TEAD1: variants seen among roughly 807,000 people sequenced by gnomAD.
TEAD1 encodes the protein TEA domain transcription factor 1, also known as transcriptional enhancer factor TEF-1.
Under a neutral mutation model 54.9 loss-of-function variants are expected in TEAD1, and 9 were observed. That is an observed-to-expected ratio of 0.16 (90% confidence interval 0.10 to 0.29). The LOEUF (loss-of-function observed/expected upper bound fraction) is 0.29, where lower values mean the gene tolerates loss of function less well. Among genes scored for constraint, TEAD1 ranks in the 10% least tolerant of loss-of-function variants. The pLI is 1.00. For missense variants in TEAD1, 387 were observed against 535.9 expected (o/e 0.72, Z 2.74); for synonymous variants, 200 against 187.8 (o/e 1.07, Z -0.53).
At chr11:12,882,058 A>G in intron 8 of TEAD1, 101 bp downstream of exon 8, 1 of 1,300,616 alleles carries the variant, frequency 7.7e-7, no homozygotes, top group Non-Finnish European at 1.1e-6. Flanking sequence ...CAACTTTGCC[A>G]CAGCCGCACA....
chr11:12,844,615 G>C (rs1408355687), intron 3 of TEAD1, among the ~76,000 whole-genome samples: 3 of 152,138 alleles, frequency 2.0e-5, no homozygotes, highest in African/African-American at 7.2e-5. Context: ...TGGCAGTGGA[G>C]CATTTGCTGA....
chr11:12,899,872 C>T (rs1281751409), intron 9 of TEAD1, among the ~76,000 whole-genome samples: 1 of 152,198 alleles, frequency 6.6e-6, no homozygotes, highest in African/African-American at 2.4e-5. Context: ...AGTTGCACTG[C>T]CCCTTATATG....
At chr11:12,843,947 G>C (rs950783693) in intron 3 of TEAD1, among the ~76,000 whole-genome samples, 1 of 152,092 alleles carries the variant, frequency 6.6e-6, no homozygotes, top group South Asian at 2.1e-4. Flanking sequence ...GATCATTTCC[G>C]TTTTCTTTTA....
At chr11:12,703,118 G>A (rs903397306) in intron 2 of TEAD1, among the ~76,000 whole-genome samples, 5 of 152,112 alleles carry the variant, frequency 3.3e-5, no homozygotes, top group Non-Finnish European at 7.4e-5. Flanking sequence ...CAACCAATGA[G>A]CGCATTCCCC....
intron 2 of TEAD1, among the ~76,000 whole-genome samples, chr11:12,762,469 T>C (rs1168384045): frequency 6.6e-6 from 1 of 152,212 alleles, no homozygotes; most frequent in East Asian, 1.9e-4. Flanking sequence ...AAATGCTTTC[T>C]TGTGGCGTAA....
At chr11:12,835,965 C>T (rs1249436498) in intron 3 of TEAD1, among the ~76,000 whole-genome samples, 2 of 151,962 alleles carry the variant, frequency 1.3e-5, no homozygotes, top group African/African-American at 4.8e-5. Flanking sequence ...TTCAAAATTG[C>T]CAAAAGACTA....
In TEAD1 at chr11:12,740,241, A is replaced by C. The variant is rs573810126; in HGVS notation, c.-54-23938A>C. Among the ~76,000 whole-genome samples, 28 of 152,332 alleles carry C rather than the reference A, an allele frequency of 1.8e-4. No individual in the cohort carries two copies. The South Asian group carries it at 4.1e-3, about 23-fold the overall frequency. ...GTTTCCTCATCTCTAAAATAGGAAT[A>C]ACAGTAGTACTTTTCTCATAGTATT... On this transcript the variant is annotated intron_variant, in intron 2 of 12. Coordinates refer to ENST00000527636, the MANE Select transcript of TEAD1 (RefSeq NM_021961.6).
chr11:12,927,702 A>G (rs962578876), intron 11 of TEAD1, among the ~76,000 whole-genome samples: 31 of 152,214 alleles, frequency 2.0e-4, no homozygotes, highest in Admixed American at 5.9e-4. Flanking sequence ...ATGTATTTCA[A>G]TAAGATTTTA....
intron 2 of TEAD1, among the ~76,000 whole-genome samples, chr11:12,693,489 A>G (rs1281877256): frequency 6.6e-6 from 1 of 152,230 alleles, no homozygotes; most frequent in Non-Finnish European, 1.5e-5. Flanking sequence ...TTGCTGTGCT[A>G]AATCTATTTT....
chr11:12,842,600 C>G (rs1947063038), intron 3 of TEAD1, among the ~76,000 whole-genome samples: 1 of 152,156 alleles, frequency 6.6e-6, no homozygotes, highest in Non-Finnish European at 1.5e-5. Context: ...TTCATGAGCT[C>G]CAGAAAATTG....
intron 9 of TEAD1, among the ~76,000 whole-genome samples, chr11:12,892,598 C>T (rs566265351): frequency 9.0e-4 from 137 of 152,186 alleles, no homozygotes; most frequent in African/African-American, 2.2e-3. Flanking sequence ...GAGCTGAGAT[C>T]GCGCCATTGC....
chr11:12,731,229 T>C (rs1944418614), intron 2 of TEAD1, among the ~76,000 whole-genome samples: 1 of 152,238 alleles, frequency 6.6e-6, no homozygotes, highest in Non-Finnish European at 1.5e-5. Flanking sequence ...GTTTTTTCTT[T>C]TGAAAAATCT....
chr11:12,800,372 A>T (rs1946029087), intron 3 of TEAD1, among the ~76,000 whole-genome samples: 1 of 152,244 alleles, frequency 6.6e-6, no homozygotes, highest in Admixed American at 6.5e-5. Flanking sequence ...AGCTTTGATC[A>T]AACAGCTATG....
At chr11:12,758,233 G>GTT (rs547249617) in intron 2 of TEAD1, among the ~76,000 whole-genome samples, 25 of 139,018 alleles carry the variant, frequency 1.8e-4, no homozygotes, top group African/African-American at 4.5e-4. Context: ...TTTTTGTTTT[G>GTT]TTTTTTTTTT....
At chr11:12,804,499 G>A (rs1348028) in intron 3 of TEAD1, among the ~76,000 whole-genome samples, 5,254 of 152,320 alleles carry the variant, frequency 0.034, 326 homozygotes, top group African/African-American at 0.12. Flanking sequence ...TGAGCTGAAT[G>A]CAAGAACTAT....
At chr11:12,818,891 T>C (rs1238980940) in intron 3 of TEAD1, among the ~76,000 whole-genome samples, 1 of 152,230 alleles carries the variant, frequency 6.6e-6, no homozygotes, top group Non-Finnish European at 1.5e-5. Context: ...CTGAATCCTC[T>C]TAGGTTTTGC....
intron 2 of TEAD1, among the ~76,000 whole-genome samples, chr11:12,677,902 G>C (rs1030531401): frequency 6.6e-6 from 1 of 152,154 alleles, no homozygotes; most frequent in Non-Finnish European, 1.5e-5. Flanking sequence ...TTAATTGTGA[G>C]CATAATTATG....
At chr11:12,932,170 C>T (rs1306347832) in intron 12 of TEAD1, among the ~76,000 whole-genome samples, 4 of 152,206 alleles carry the variant, frequency 2.6e-5, no homozygotes, top group Non-Finnish European at 5.9e-5. Context: ...AATACATGCT[C>T]TTTAATAACA....
chr11:12,930,703 A>AT (rs980311432), intron 12 of TEAD1, among the ~76,000 whole-genome samples: 2 of 152,112 alleles, frequency 1.3e-5, no homozygotes, highest in Non-Finnish European at 2.9e-5. Flanking sequence ...AGGCATGTGT[A>AT]TTTTTTTAAG....
Sources: allele counts gnomAD v4.1 joint callset (sites outside exome capture counted in the v4.1 genomes callset), GRCh38; gene constraint gnomAD v4.1.1; transcripts MANE v1.5; gene names NCBI Gene and HGNC (gene_info 2026-07-23, HGNC 2026-07-21).